CLN3: variants seen among roughly 807,000 people sequenced by gnomAD.
CLN3 encodes the protein CLN3 lysosomal/endosomal transmembrane protein, battenin, also known as battenin.
CLN3 carries 49 observed loss-of-function variants against 60.7 expected under a neutral mutation model. The ratio of observed to expected loss-of-function variants is 0.81; its 90% CI spans 0.64 to 1.02. CLN3 has a LOEUF of 1.02. CLN3 is among the 50% of genes least tolerant of loss of function. The probability of loss-of-function intolerance (pLI) is 0.00; values close to 1 mark genes in which losing one functional copy is unlikely to be tolerated. For missense variants in CLN3, 516 were observed against 557.4 expected, an observed-to-expected ratio of 0.93 and a Z score of 0.75; for synonymous variants, 256 against 245.8, an observed-to-expected ratio of 1.04 and a Z score of -0.39.
chr16:28,486,781 G>C, intron 7 of CLN3, 131 bp from the exon 8 acceptor site: 2 of 882,938 alleles, frequency 2.3e-6, no homozygotes, highest in Non-Finnish European at 1.8e-6. Flanking sequence ...CATAGGCCAG[G>C]TTCCAGGTCT....
chr16:28,490,760 A>C (rs2521324), intron 3 of CLN3, among the ~76,000 whole-genome samples: 1 of 105,318 alleles, frequency 9.5e-6, no homozygotes, highest in African/African-American at 3.3e-5. Context: ...ACTCCGTCTC[A>C]AAAAAAAAAA....
chr16:28,472,179 A>T, downstream of CLN3, among the ~76,000 whole-genome samples: 1 of 152,212 alleles, frequency 6.6e-6, no homozygotes, highest in East Asian at 1.9e-4. Context: ...TCTGGAGGTC[A>T]AGGTGGGCAG....
chr16:28,481,393 G>A, intron 14 of CLN3, among the ~76,000 whole-genome samples: 1 of 147,620 alleles, frequency 6.8e-6, no homozygotes, highest in Non-Finnish European at 1.5e-5. Flanking sequence ...GAGCCACCTG[G>A]CCCGGCCCAA....
At chr16:28,488,702 G>T in intron 4 of CLN3, 40 bp from the exon 5 acceptor site, 1 of 1,594,426 alleles carries the variant, frequency 6.3e-7, no homozygotes, top group Non-Finnish European at 8.6e-7. Flanking sequence ...TGGAGGCAGA[G>T]GGATAGACAC....
chr16:28,479,181 C>T (rs541987585), intron 14 of CLN3, among the ~76,000 whole-genome samples: 1 of 152,284 alleles, frequency 6.6e-6, no homozygotes, highest in South Asian at 2.1e-4. Context: ...TCATACTTTT[C>T]GTATATGTAA....
chr16:28,486,223 C>G, intron 9 of CLN3, 124 bp downstream of exon 9: 1 of 1,278,582 alleles, frequency 7.8e-7, no homozygotes, highest in Non-Finnish European at 1.1e-6. Context: ...GTTTCCTGAC[C>G]TTAGGCGATC....
At chr16:28,488,764 G>A (rs2046265107) in intron 4 of CLN3, 102 bp from the exon 5 acceptor site, 1 of 1,148,034 alleles carries the variant, frequency 8.7e-7, no homozygotes, top group Non-Finnish European at 1.3e-6. Context: ...GATGGCTTTG[G>A]GTCAGCAGTG....
downstream of CLN3, among the ~76,000 whole-genome samples, chr16:28,472,250 C>CA (rs571252494): frequency 9.9e-3 from 1,506 of 151,738 alleles, 11 homozygotes; most frequent in Non-Finnish European, 0.017. Context: ...CCGTCTCTAC[C>CA]AAAAAAATGT....
chr16:28,491,639 A>G (rs951478565), intron 2 of CLN3, 75 bp downstream of exon 2: 5 of 1,613,662 alleles, frequency 3.1e-6, no homozygotes, highest in Non-Finnish European at 4.2e-6. Context: ...CCCGGGGCCG[A>G]GTCAGCTCTC....
At chr16:28,467,528 T>A in the CLN3 span, among the ~76,000 whole-genome samples, 1 of 145,970 alleles carries the variant, frequency 6.9e-6, no homozygotes, top group African/African-American at 2.5e-5. Context: ...AGTGCTGGGA[T>A]TACAGGTGTG....
At position 28,486,618 on chromosome 16, in the gene CLN3, C is replaced by T; in HGVS notation, c.493G>A (p.Gly165Arg). 2 of 1,611,286 alleles carry T rather than the reference C, an allele frequency of 1.2e-6. No homozygotes were observed. Among genetic ancestry groups the T allele is most frequent in the Non-Finnish European group, 1.7e-6 (2 of 1,178,838 alleles). ...VVFASISSGL[G>R]EVTFLSLTAF... Reference sequence around the variant, plus strand: ...GTGAGGGAGAGGAAGGTGACCTCCCCAAGGCCTGATGAGATGCTAGCGAAG... The same window carrying T: ...GTGAGGGAGAGGAAGGTGACCTCCCTAAGGCCTGATGAGATGCTAGCGAAG... The change falls in exon 8 of 16, where the codon GGG becomes AGG. Residue 165 changes from glycine to arginine, a missense_variant. Coordinates refer to ENST00000636147, the MANE Select transcript of CLN3 (RefSeq NM_001042432.2).
At chr16:28,475,892 G>GT (rs936076785), downstream of CLN3, 117 of 144,694 alleles carry the variant, frequency 8.1e-4, no homozygotes, top group East Asian at 2.8e-3. Context: ...CAGTTTTTTT[G>GT]TTTTTTTTTT....
chr16:28,486,271 C>A, intron 9 of CLN3, 76 bp downstream of exon 9: 1 of 1,585,942 alleles, frequency 6.3e-7, no homozygotes, highest in Non-Finnish European at 8.6e-7. Flanking sequence ...GGATTACAGG[C>A]GTGAGCCACC....
In CLN3 at chr16:28,488,323, ATT is replaced by A. The variant is rs367752281; in HGVS notation, c.294+266_294+267del. ...CAGAAATTATATTAAGGTCTCAATTATTTTATATATATATATTTTTTAATTTT... is the reference window on the plus strand; with the variant it reads ...CAGAAATTATATTAAGGTCTCAATTATTATATATATATATTTTTTAATTTT... On this transcript the variant is annotated intron_variant, in intron 5 of 15. Transcript: ENST00000636147. 0.04 allele frequency: 7,044 copies of A among 177,892 alleles called. 201 individuals carry two copies. The highest frequency in any genetic ancestry group is 0.074 in the Middle Eastern group (33 of 444). 11.0% of individuals were successfully genotyped at this position (177,892 alleles called of 1,614,324 possible). A position where few individuals can be genotyped will look rare whatever the true frequency, so the allele number is the denominator to read the frequency against.
chr16:28,489,638 C>A (rs894751369), intron 3 of CLN3, among the ~76,000 whole-genome samples: 1 of 152,090 alleles, frequency 6.6e-6, no homozygotes, highest in African/African-American at 2.4e-5. Flanking sequence ...GTAGTCCCAG[C>A]TACTTGGGAG....
At chr16:28,486,769 T>C (rs1380734270) in intron 7 of CLN3, 119 bp from the exon 8 acceptor site, 3 of 963,388 alleles carry the variant, frequency 3.1e-6, no homozygotes, top group Non-Finnish European at 3.2e-6. Context: ...ATAGATCCCA[T>C]GCATAGGCCA....
downstream of CLN3, among the ~76,000 whole-genome samples, chr16:28,473,100 G>A (rs2141689068): frequency 6.6e-6 from 1 of 151,882 alleles, no homozygotes; most frequent in African/African-American, 2.4e-5. Context: ...ACTACACCTG[G>A]CTTATTTTAT....
rs79077329 is a variant in CLN3, at chr16:28,487,800, C to T, written c.295-59G>A. On this transcript the variant is annotated intron_variant, in intron 5 of 15. Transcript: ENST00000636147. The stretch of plus-strand genomic sequence containing the variant: ...TTCCAGGGGACAACCCTCCCAACCA[C>T]GTGGCCAAGGAGAGGCAGGAGCTGG... The T allele has an allele frequency of 0.025, 36,468 of 1,435,044 alleles. 579 individuals carry two copies. The highest frequency in any genetic ancestry group is 0.028 in the Non-Finnish European group (28,938 of 1,032,970). The allele number at this position is 1,435,044 out of a possible 1,614,324, so 88.9% of individuals were successfully genotyped here.
chr16:28,489,960 G>A (rs762640978), intron 3 of CLN3, among the ~76,000 whole-genome samples: 41 of 152,010 alleles, frequency 2.7e-4, no homozygotes, highest in Non-Finnish European at 4.1e-4. Flanking sequence ...AGGAGGCTGA[G>A]GCAGGAGAAC....
Sources: gnomAD v4.1 joint callset for allele counts (sites outside exome capture counted in the v4.1 genomes callset) on GRCh38, gnomAD v4.1.1 for gene constraint, MANE v1.5 for transcripts, NCBI Gene and HGNC (gene_info 2026-07-23, HGNC 2026-07-21) for gene names.